DENND1A: variants seen among roughly 807,000 people sequenced by gnomAD.
The protein encoded by DENND1A is DENN domain-containing protein 1A.
In DENND1A, 51 loss-of-function variants were observed where a neutral mutation model predicts 113.7. The ratio of observed to expected loss-of-function variants is 0.45; its 90% CI spans 0.36 to 0.57. The LOEUF (loss-of-function observed/expected upper bound fraction) is 0.57, where lower values mean the gene tolerates loss of function less well. Ranked by LOEUF, DENND1A falls within the 20% of genes least tolerant of loss-of-function variation. DENND1A has a pLI of 0.00. For synonymous variants in DENND1A, 565 were observed against 570.8 expected, an observed-to-expected ratio of 0.99 and a Z score of 0.14; for missense variants, 1,258 against 1,395.9, an observed-to-expected ratio of 0.90 and a Z score of 1.57.
chr9:123,619,780 A>G lies in DENND1A; in HGVS notation c.720-10299T>C, dbSNP rs947102637. ...ATGTGGATTAAATTTCAACTTAAAA[A>G]ATGTAGCAGAGAAATTGAAAAGACA... On this transcript the variant is annotated intron_variant, in intron 10 of 23. Coordinates refer to ENST00000394215, the MANE Select transcript of DENND1A (RefSeq NM_001352964.2). 6.6e-5 allele frequency among the ~76,000 whole-genome samples: 10 copies of G among 152,178 alleles called. No individual in the cohort carries two copies. The East Asian group carries it at 1.7e-3, about 26-fold the overall frequency.
intron 2 of DENND1A, among the ~76,000 whole-genome samples, chr9:123,831,366 A>G (rs993182067): frequency 3.5e-4 from 54 of 152,216 alleles, no homozygotes; most frequent in Non-Finnish European, 1.0e-4. Context: ...GTAAATAATC[A>G]AATCTCCTCA....
chr9:123,417,999 G>A (rs2044886679), intron 19 of DENND1A, among the ~76,000 whole-genome samples: 1 of 152,204 alleles, frequency 6.6e-6, no homozygotes, highest in Admixed American at 6.5e-5. Flanking sequence ...AGGGGCTGGG[G>A]GAGGTCAGAT....
At chr9:123,757,619 C>A in intron 5 of DENND1A, 84 bp downstream of exon 5, 1 of 1,555,820 alleles carries the variant, frequency 6.4e-7, no homozygotes, top group Non-Finnish European at 8.7e-7. Flanking sequence ...AAATGAACAG[C>A]TGGAAGATTT....
intron 2 of DENND1A, among the ~76,000 whole-genome samples, chr9:123,865,345 T>C (rs182606493): frequency 6.6e-6 from 1 of 152,338 alleles, no homozygotes; most frequent in East Asian, 1.9e-4. Flanking sequence ...GGTCAGCTTG[T>C]TCCAGGGTCC....
intron 21 of DENND1A, among the ~76,000 whole-genome samples, chr9:123,398,199 TA>T (rs1244309362): frequency 1.3e-5 from 2 of 152,166 alleles, no homozygotes; most frequent in Non-Finnish European, 2.9e-5. Flanking sequence ...CCCCAGCCCC[TA>T]CTGCCACTTC....
At chr9:123,673,195 C>T (rs1015289908) in intron 6 of DENND1A, among the ~76,000 whole-genome samples, 2 of 152,192 alleles carry the variant, frequency 1.3e-5, no homozygotes, top group African/African-American at 4.8e-5. Context: ...TAACATTATT[C>T]TTTCTCTTTG....
At chr9:123,524,803 T>C (rs2054681397) in intron 13 of DENND1A, among the ~76,000 whole-genome samples, 3 of 152,328 alleles carry the variant, frequency 2.0e-5, no homozygotes, top group South Asian at 2.1e-4. Context: ...TCTTTACTGA[T>C]TGGTGAGCAG....
chr9:123,828,646 A>C (rs1839742424), intron 2 of DENND1A, among the ~76,000 whole-genome samples: 1 of 151,876 alleles, frequency 6.6e-6, no homozygotes, highest in African/African-American at 2.4e-5. Flanking sequence ...AGCCAAAAAA[A>C]AAAAAGAAAA....
chr9:123,567,833 C>T (rs573334066), intron 12 of DENND1A, among the ~76,000 whole-genome samples: 3 of 152,222 alleles, frequency 2.0e-5, no homozygotes, highest in South Asian at 4.2e-4. Flanking sequence ...TCCCTAAAGC[C>T]GTGTTAACAA....
chr9:123,643,593 G>A (rs930370906), intron 9 of DENND1A, among the ~76,000 whole-genome samples: 18 of 152,210 alleles, frequency 1.2e-4, no homozygotes, highest in Admixed American at 3.3e-4. Context: ...ATACATAGCT[G>A]CAATATATGA....
intron 13 of DENND1A, among the ~76,000 whole-genome samples, chr9:123,501,279 C>T (rs1423715260): frequency 6.6e-6 from 1 of 152,178 alleles, no homozygotes; most frequent in Non-Finnish European, 1.5e-5. Context: ...AATTTCCTCT[C>T]TTTTTAAGGC....
chr9:123,514,614 A>G (rs1351737652), intron 13 of DENND1A, among the ~76,000 whole-genome samples: 1 of 152,172 alleles, frequency 6.6e-6, no homozygotes, highest in Non-Finnish European at 1.5e-5. Flanking sequence ...CAGGTTTTTC[A>G]CTTTTGTAGA....
At chr9:123,510,502 T>G (rs1009884644) in intron 13 of DENND1A, among the ~76,000 whole-genome samples, 2 of 152,308 alleles carry the variant, frequency 1.3e-5, no homozygotes, top group East Asian at 1.9e-4. Context: ...AGCAGCCACA[T>G]GAGATGGGCA....
intron 13 of DENND1A, among the ~76,000 whole-genome samples, chr9:123,533,017 T>C (rs559414848): frequency 6.6e-6 from 1 of 152,228 alleles, no homozygotes; most frequent in African/African-American, 2.4e-5. Flanking sequence ...CAAGTACACA[T>C]AGGACATTTT....
At chr9:123,727,902 C>T (rs886253021) in intron 5 of DENND1A, among the ~76,000 whole-genome samples, 2 of 149,604 alleles carry the variant, frequency 1.3e-5, no homozygotes, top group South Asian at 2.2e-4. Flanking sequence ...GTCAGGAGAT[C>T]GAGACCATCC....
intron 1 of DENND1A, among the ~76,000 whole-genome samples, chr9:123,890,739 C>A (rs146332500): frequency 3.3e-5 from 5 of 152,292 alleles, no homozygotes; most frequent in African/African-American, 7.2e-5. Flanking sequence ...CAAGTTCACA[C>A]AGTTTGTAAG....
intron 13 of DENND1A, among the ~76,000 whole-genome samples, chr9:123,534,095 A>G (rs2135419842): frequency 6.6e-6 from 1 of 152,366 alleles, no homozygotes; most frequent in South Asian, 2.1e-4. Flanking sequence ...TATGGAACTT[A>G]TATTAAGCAA....
chr9:123,664,306 T>A (rs1272822597), intron 8 of DENND1A, among the ~76,000 whole-genome samples: 1 of 152,212 alleles, frequency 6.6e-6, no homozygotes, highest in Non-Finnish European at 1.5e-5. Context: ...TATTGCCTAT[T>A]TCTCAGGCCA....
At chr9:123,927,463 A>G (rs1306972833) in intron 1 of DENND1A, among the ~76,000 whole-genome samples, 3 of 152,162 alleles carry the variant, frequency 2.0e-5, no homozygotes, top group Non-Finnish European at 4.4e-5. Context: ...CAGAAGGTGA[A>G]AAAAAAGAAA....
Sources: gnomAD v4.1 joint callset for allele counts (sites outside exome capture counted in the v4.1 genomes callset) on GRCh38, gnomAD v4.1.1 for gene constraint, MANE v1.5 for transcripts, NCBI Gene and HGNC (gene_info 2026-07-23, HGNC 2026-07-21) for gene names.